Variants in ACTN2 observed in about 807,000 individuals in gnomAD.
ACTN2 encodes the protein actinin alpha 2.
Under a neutral mutation model 113.8 loss-of-function variants are expected in ACTN2, and 39 were observed. The observed-to-expected ratio is 0.34, with a 90% CI of 0.27 to 0.45. The LOEUF (loss-of-function observed/expected upper bound fraction) is 0.45. Ranked by LOEUF, ACTN2 falls within the 20% of genes least tolerant of loss-of-function variation. The pLI, the probability that ACTN2 is intolerant of heterozygous loss-of-function variation, is 1.00. For synonymous variants in ACTN2, 429 were observed against 444.1 expected (o/e 0.97, Z 0.43); for missense variants, 992 against 1,177.9 (o/e 0.84, Z 2.31).
intron 12 of ACTN2, 47 bp from the exon 13 acceptor site, chr1:236,747,620 C>T: frequency 6.5e-7 from 1 of 1,536,606 alleles, no homozygotes; most frequent in South Asian, 1.1e-5. Flanking sequence ...TTCATTTTCT[C>T]TCATCATCTG....
intron 5 of ACTN2, among the ~76,000 whole-genome samples, chr1:236,727,035 A>G (rs1658571551): frequency 6.6e-6 from 1 of 152,218 alleles, no homozygotes; most frequent in African/African-American, 2.4e-5. Flanking sequence ...GCTGTCACTG[A>G]ACCCGCTGTC....
At position 236,709,366 on chromosome 1, in the gene ACTN2, G is replaced by GTA. The variant is rs1448214742; in HGVS notation, c.127-8491_127-8490insAT. On this transcript the variant is annotated intron_variant, in intron 1 of 20. Coordinates refer to ENST00000366578, the MANE Select transcript of ACTN2 (RefSeq NM_001103.4). ...CGTGTATATATATATATACGTGTGTGTGTATATATATATATGTATGTATAT... is the reference window on the plus strand; with the variant it reads ...CGTGTATATATATATATACGTGTGTGTATGTATATATATATATGTATGTATAT... Among the ~76,000 whole-genome samples, 439 of 135,642 alleles carry GTA rather than the reference G, an allele frequency of 3.2e-3. 2 individuals are homozygous for GTA. Among genetic ancestry groups the GTA allele is most frequent in the African/African-American group, 0.011 (375 of 33,126 alleles). The allele number at this position is 135,642 out of a possible 152,430, so 89.0% of individuals were successfully genotyped here. A position where few individuals can be genotyped will look rare whatever the true frequency, so the allele number is the denominator to read the frequency against.
At position 236,720,177 on chromosome 1, in the gene ACTN2, A is replaced by G. The variant is rs1343088678; in HGVS notation, c.434A>G (p.Asp145Gly). 5.0e-6 allele frequency: 8 copies of G among 1,613,268 alleles called. No homozygotes were observed. In the South Asian group the frequency reaches 8.8e-5, roughly 18 times the overall value. ...ATCATCCTTCGCTTTGCTATTCAGG[A>G]TATTTCGGTTGAAGGTAAAAGACAT... ...WTIILRFAIQ[D>G]ISVEETSAKE... The change falls in exon 4 of 21, where the codon GAT (aspartate) becomes GGT (glycine). Residue 145 changes from aspartate to glycine, a missense_variant. Coordinates refer to ENST00000366578, the MANE Select transcript of ACTN2 (RefSeq NM_001103.4).
At chr1:236,759,820 T>C in intron 19 of ACTN2, 31 bp downstream of exon 19, 1 of 1,590,370 alleles carries the variant, frequency 6.3e-7, no homozygotes, top group Non-Finnish European at 8.6e-7. Flanking sequence ...GTACTAAGAT[T>C]TGATATTTTA....
chr1:236,727,617 A>G, intron 5 of ACTN2, 61 bp from the exon 6 acceptor site: 2 of 1,573,532 alleles, frequency 1.3e-6, no homozygotes, highest in South Asian at 1.1e-5. Context: ...CTGAGTGCAG[A>G]TGCTGGCTGC....
At chr1:236,726,912 G>T (rs1238487401) in intron 5 of ACTN2, among the ~76,000 whole-genome samples, 1 of 152,302 alleles carries the variant, frequency 6.6e-6, no homozygotes, top group East Asian at 1.9e-4. Flanking sequence ...CACTCATCTT[G>T]CTTTTCTTTT....
intron 11 of ACTN2, among the ~76,000 whole-genome samples, chr1:236,743,849 C>T (rs1032425813): frequency 6.6e-6 from 1 of 152,182 alleles, no homozygotes; most frequent in African/African-American, 2.4e-5. Context: ...TCAGTGTCCT[C>T]TTCGAAATGG....
chr1:236,717,288 T>A (rs933337315), intron 1 of ACTN2, among the ~76,000 whole-genome samples: 38 of 151,952 alleles, frequency 2.5e-4, no homozygotes, highest in African/African-American at 8.4e-4. Flanking sequence ...TAAAAAAAAA[T>A]TAGCTAGGTG....
At chr1:236,745,390 C>A (rs1023277111) in intron 12 of ACTN2, among the ~76,000 whole-genome samples, 1 of 151,970 alleles carries the variant, frequency 6.6e-6, no homozygotes, top group East Asian at 1.9e-4. Flanking sequence ...GCCGAGATCG[C>A]GCCACTGCAC....
intron 1 of ACTN2, among the ~76,000 whole-genome samples, chr1:236,709,467 C>T (rs184987515): frequency 2.0e-5 from 3 of 150,864 alleles, no homozygotes; most frequent in African/African-American, 7.3e-5. Context: ...AGTTCTGAGC[C>T]ATGACTGCAG....
At chr1:236,707,898 G>C (rs948954558) in intron 1 of ACTN2, among the ~76,000 whole-genome samples, 1 of 151,626 alleles carries the variant, frequency 6.6e-6, no homozygotes, top group Admixed American at 6.6e-5. Flanking sequence ...TTTTAGTAGA[G>C]ATGGGGTGTC....
At chr1:236,758,151 C>CT (rs1317325254) in intron 18 of ACTN2, among the ~76,000 whole-genome samples, 1 of 151,920 alleles carries the variant, frequency 6.6e-6, no homozygotes, top group Non-Finnish European at 1.5e-5. Context: ...ATATAAAAAG[C>CT]TAAGTGCTGC....
At chr1:236,726,826 G>A (rs149390589) in intron 5 of ACTN2, among the ~76,000 whole-genome samples, 55 of 152,354 alleles carry the variant, frequency 3.6e-4, no homozygotes, top group Admixed American at 7.8e-4. Context: ...ACACCATGCT[G>A]TTTGGCAGAT....
At chr1:236,718,871 A>G (rs756072126) in intron 2 of ACTN2, 23 bp from the exon 3 acceptor site, 5 of 1,614,046 alleles carry the variant, frequency 3.1e-6, no homozygotes, top group Non-Finnish European at 4.2e-6. Flanking sequence ...CTATGTCTGC[A>G]TGATTCTCTT....
chr1:236,753,749 T>TAG, intron 15 of ACTN2, 198 bp from the exon 16 acceptor site: 1 of 693,030 alleles, frequency 1.4e-6, no homozygotes, highest in Non-Finnish European at 2.6e-6. Flanking sequence ...CAGTCAAAGC[T>TAG]AAATCAAGCT....
chr1:236,746,360 G>A (rs1572139066), intron 12 of ACTN2, among the ~76,000 whole-genome samples: 1 of 152,136 alleles, frequency 6.6e-6, no homozygotes, highest in African/African-American at 2.4e-5. Flanking sequence ...ATTAAGTTTT[G>A]TACAGGATTC....
chr1:236,743,484 T>C (rs1002358378), intron 11 of ACTN2, among the ~76,000 whole-genome samples: 2 of 152,052 alleles, frequency 1.3e-5, no homozygotes, highest in African/African-American at 4.8e-5. Context: ...TCATGTATAA[T>C]CTAACTTTCT....
At chr1:236,718,093 C>A in intron 2 of ACTN2, 121 bp downstream of exon 2, 1 of 765,738 alleles carries the variant, frequency 1.3e-6, no homozygotes, top group Non-Finnish European at 2.3e-6. Flanking sequence ...GGTATTATTG[C>A]CAAAGAAAAC....
intron 1 of ACTN2, among the ~76,000 whole-genome samples, chr1:236,706,003 TG>T (rs35740398): frequency 1.3e-5 from 2 of 152,214 alleles, no homozygotes; most frequent in East Asian, 3.9e-4. Context: ...TTTCAAGTGC[TG>T]GGAGAACCAT....
Sources: gnomAD v4.1 joint callset for allele counts (sites outside exome capture counted in the v4.1 genomes callset) on GRCh38, gnomAD v4.1.1 for gene constraint, MANE v1.5 for transcripts, NCBI Gene and HGNC (gene_info 2026-07-23, HGNC 2026-07-21) for gene names.